The following ZNF624 variants were observed in gnomAD, a reference collection of about 807,000 sequenced individuals.
The protein encoded by ZNF624 is zinc finger protein 624.
ZNF624 carries 43 observed loss-of-function variants against 74.7 expected under a neutral mutation model. The observed-to-expected ratio is 0.58, with a 90% CI of 0.45 to 0.74. The LOEUF is 0.74. Ranked by LOEUF, ZNF624 falls within the 30% of genes least tolerant of loss-of-function variation. The probability of loss-of-function intolerance (pLI) is 0.00; values close to 1 mark genes in which losing one functional copy is unlikely to be tolerated. For synonymous variants in ZNF624, 331 were observed against 341.3 expected (o/e 0.97, Z 0.33); for missense variants, 820 against 1,030.0 (o/e 0.80, Z 2.79).
At chr17:16,639,276 T>C (rs1379007998) in intron 3 of ZNF624, among the ~76,000 whole-genome samples, 1 of 152,242 alleles carries the variant, frequency 6.6e-6, no homozygotes, top group Non-Finnish European at 1.5e-5. Flanking sequence ...CATTTAGATA[T>C]GTATGCTTGT....
At chr17:16,648,273 A>G (rs1010141258) in intron 2 of ZNF624, among the ~76,000 whole-genome samples, 2 of 152,196 alleles carry the variant, frequency 1.3e-5, no homozygotes, top group Non-Finnish European at 1.5e-5. Context: ...GAATGCAATG[A>G]AATTTTACTT....
In ZNF624 at chr17:16,624,149, A is replaced by G. The variant is rs1409280675; in HGVS notation, c.737T>C (p.Ile246Thr). ...NLITDTHLGK[I>T]ICKEMKGSKA... ...GCTGCCTTTCATCTCCTTGCAAATT[A>G]TCTTCCCCAAATGGGTATCTGTAAT... The change falls in exon 6 of 6, where the codon ATA becomes ACA. Residue 246 changes from isoleucine (I) to threonine (T), a missense_variant. Coordinates refer to ENST00000311331, the MANE Select transcript of ZNF624 (RefSeq NM_020787.4). 4 of 1,613,982 alleles carry G rather than the reference A, an allele frequency of 2.5e-6. No individual in the cohort carries two copies. The highest frequency in any genetic ancestry group is 1.6e-4 in the Middle Eastern group (1 of 6,084).
intron 5 of ZNF624, among the ~76,000 whole-genome samples, chr17:16,631,981 G>C (rs1357767081): frequency 6.6e-6 from 1 of 152,186 alleles, no homozygotes; most frequent in South Asian, 2.1e-4. Flanking sequence ...TAAAGGCATA[G>C]AGGCTATAAT....
intron 5 of ZNF624, 104 bp from the exon 6 acceptor site, chr17:16,624,613 G>GCGACCACCGAGA: frequency 9.4e-7 from 1 of 1,063,438 alleles, no homozygotes; most frequent in Non-Finnish European, 1.3e-6. Context: ...TGAATATATG[G>GCGACCACCGAGA]TTTTAATTGC....
At chr17:16,647,587 CAA>C in intron 2 of ZNF624, among the ~76,000 whole-genome samples, 193 bp from the exon 3 acceptor site, 1 of 145,180 alleles carries the variant, frequency 6.9e-6, no homozygotes, top group African/African-American at 2.9e-5. Context: ...GGGACAATGA[CAA>C]ACACACGTAA....
chr17:16,637,812 G>T (rs1909369859), intron 3 of ZNF624, among the ~76,000 whole-genome samples: 1 of 152,096 alleles, frequency 6.6e-6, no homozygotes, highest in Admixed American at 6.5e-5. Context: ...CATGGGCAAG[G>T]ACTTCATGTC....
intron 2 of ZNF624, among the ~76,000 whole-genome samples, chr17:16,647,596 G>C (rs188269054): frequency 2.0e-5 from 3 of 152,072 alleles, no homozygotes; most frequent in African/African-American, 4.8e-5. Context: ...ACAAACACAC[G>C]TAAGATTGAA....
rs1908889550 is a variant in ZNF624 at position 16,620,746 on chromosome 17, C to T, written c.*1542G>A. The T allele has an allele frequency of 6.6e-6, 1 of 151,954 alleles. No homozygotes were observed. Among genetic ancestry groups the T allele is most frequent in the African/African-American group, 2.4e-5 (1 of 41,362 alleles). 9.4% of individuals were successfully genotyped at this position (151,954 alleles called of 1,614,324 possible). ...TAAAACGCACAACGAAAATATTTTT[C>T]CTTTTAATGTAAATATTACAGGTTC... On this transcript the variant is annotated 3_prime_UTR_variant, in exon 6 of 6. Coordinates refer to ENST00000311331, the MANE Select transcript of ZNF624 (RefSeq NM_020787.4).
intron 4 of ZNF624, 148 bp downstream of exon 4, chr17:16,634,482 A>C: frequency 1.3e-6 from 1 of 764,940 alleles, no homozygotes; most frequent in Non-Finnish European, 2.0e-6. Flanking sequence ...CAATGGGCAG[A>C]TCATGTAGTT....
chr17:16,625,798 CA>C (rs1477813021), intron 5 of ZNF624, among the ~76,000 whole-genome samples: 1 of 151,994 alleles, frequency 6.6e-6, no homozygotes, highest in Non-Finnish European at 1.5e-5. Context: ...ACTGGTCTTA[CA>C]ATGTGTTTGT....
intron 2 of ZNF624, among the ~76,000 whole-genome samples, chr17:16,648,477 G>A (rs186308154): frequency 1.4e-4 from 22 of 152,262 alleles, no homozygotes; most frequent in Middle Eastern, 3.4e-3. Flanking sequence ...TGATAGAGAC[G>A]GGTTGATCCC....
rs548845069 is a variant in ZNF624 at position 16,652,022 on chromosome 17, A to T, written c.-3+1742T>A. Among the ~76,000 whole-genome samples the T allele has an allele frequency of 2.0e-5, 3 of 152,270 alleles. No homozygotes were observed. In the South Asian group the frequency reaches 6.2e-4, roughly 32 times the overall value. ...ACACAATAGGGATTCTGAAGGGTGA[A>T]GGAGTGGGAGGGGGGTGGAGAATAA... On this transcript the variant is annotated intron_variant, in intron 1 of 5. Transcript: ENST00000311331.
At chr17:16,631,182 C>T (rs1317876636) in intron 5 of ZNF624, among the ~76,000 whole-genome samples, 2 of 151,984 alleles carry the variant, frequency 1.3e-5, no homozygotes. Context: ...AAAGATATCA[C>T]AATAGAAATT....
In ZNF624 at chr17:16,623,221, AG is replaced by A. The variant is rs769023668; in HGVS notation, c.1664del (p.Pro555LeufsTer17). 6.2e-7 allele frequency: 1 copy of A among 1,613,664 alleles called. No individual in the cohort carries two copies. The highest frequency in any genetic ancestry group is 8.5e-7 in the Non-Finnish European group (1 of 1,179,838). ...VHHRMHTGEK[P>X]YKCTECGKAF... Reference sequence around the variant, plus strand: ...CCTTTCCACATTCAGTACATTTATAAGGTTTCTCTCCTGTATGCATTCTGTG... The same window carrying A: ...CCTTTCCACATTCAGTACATTTATAAGTTTCTCTCCTGTATGCATTCTGTG... On this transcript the variant is annotated frameshift_variant, in exon 6 of 6. Transcript: ENST00000311331. LOFTEE classifies it high-confidence loss of function. The surrounding 1 kb of genome is among the most constrained non-coding windows in gnomAD (Gnocchi z 5.3).
downstream of ZNF624, among the ~76,000 whole-genome samples, chr17:16,616,111 C>T (rs9893717): frequency 0.14 from 21,432 of 149,008 alleles, 1,732 homozygotes; most frequent in East Asian, 0.36. Context: ...AACAAAACTT[C>T]TACAATTGAA....
At chr17:16,641,405 C>T (rs1909464226) in intron 3 of ZNF624, among the ~76,000 whole-genome samples, 1 of 152,192 alleles carries the variant, frequency 6.6e-6, no homozygotes, top group East Asian at 1.9e-4. Flanking sequence ...GTCTCAGCAT[C>T]CCAAGTAGCC....
intron 3 of ZNF624, among the ~76,000 whole-genome samples, chr17:16,637,778 A>C (rs1909369168): frequency 6.6e-6 from 1 of 152,236 alleles, no homozygotes; most frequent in East Asian, 1.9e-4. Flanking sequence ...AAGAAAACCT[A>C]GGCAATACCA....
At position 16,622,464 on chromosome 17, in the gene ZNF624, A is replaced by T; in HGVS notation, c.2422T>A (p.Tyr808Asn). 6.2e-7 allele frequency: 1 copy of T among 1,614,078 alleles called. No individual in the cohort carries two copies. The highest frequency in any genetic ancestry group is 8.5e-7 in the Non-Finnish European group (1 of 1,179,950). Residue 808 changes from tyrosine (Y) to asparagine (N), a missense_variant, in exon 6 of 6, where the codon TAT becomes AAT. Physicochemically the swap from Tyr to Asn is moderately radical, Grantham distance 143. Coordinates refer to ENST00000311331, the MANE Select transcript of ZNF624 (RefSeq NM_020787.4). Reference sequence around the variant, plus strand: ...GCTTTTCCACATTCTTCACATTTATAGGGCCTCTCCCCAGTATGAATTCTC... The same window carrying T: ...GCTTTTCCACATTCTTCACATTTATTGGGCCTCTCCCCAGTATGAATTCTC... Reference protein sequence around the residue: ...HQRIHTGERPYKCEECGKAFR... With the variant: ...HQRIHTGERPNKCEECGKAFR...
In ZNF624 at chr17:16,624,576, T is replaced by C. The variant is rs1909019440; in HGVS notation, c.377-67A>G. ...GCTGGGGCAATCTCACTAAACAGAATAATAAAAGCAATAAATACATGGATA... is the reference window on the plus strand; with the variant it reads ...GCTGGGGCAATCTCACTAAACAGAACAATAAAAGCAATAAATACATGGATA... On this transcript the variant is annotated intron_variant, in intron 5 of 5. Transcript: ENST00000311331. The C allele has an allele frequency of 2.6e-5, 35 of 1,351,548 alleles. 1 individual carries two copies. The South Asian group carries it at 4.6e-4, about 18-fold the overall frequency. 83.7% of individuals were successfully genotyped at this position (1,351,548 alleles called of 1,614,324 possible).
Sources: allele counts gnomAD v4.1 joint callset (sites outside exome capture counted in the v4.1 genomes callset), GRCh38; gene constraint gnomAD v4.1.1; non-coding constraint Gnocchi (gnomAD v3.1); transcripts MANE v1.5; gene names NCBI Gene and HGNC (gene_info 2026-07-23, HGNC 2026-07-21).